Variants in RIT2 observed in about 807,000 individuals in gnomAD.
The protein encoded by RIT2 is Ras like without CAAX 2, also known as GTP-binding protein Rit2.
A neutral mutation model predicts 23.7 loss-of-function variants in RIT2; 24 were observed. The ratio of observed to expected loss-of-function variants is 1.01; its 90% CI spans 0.73 to 1.43. RIT2 has a LOEUF of 1.43. Ranked by LOEUF, RIT2 falls within the 40% of genes most tolerant of loss-of-function variation. The pLI, the probability that RIT2 is intolerant of heterozygous loss-of-function variation, is 0.00. For missense variants in RIT2, 236 were observed against 266.9 expected, an observed-to-expected ratio of 0.88 and a Z score of 0.81; for synonymous variants, 107 against 91.1, an observed-to-expected ratio of 1.17 and a Z score of -0.99.
intron 4 of RIT2, among the ~76,000 whole-genome samples, chr18:42,882,430 A>G (rs1013566164): frequency 6.6e-6 from 1 of 152,228 alleles, no homozygotes; most frequent in African/African-American, 2.4e-5. Flanking sequence ...CTAATTATTT[A>G]TATCTGACTG....
intron 2 of RIT2, among the ~76,000 whole-genome samples, chr18:42,995,224 C>A (rs1368983977): frequency 6.6e-6 from 1 of 152,136 alleles, no homozygotes; most frequent in Non-Finnish European, 1.5e-5. Flanking sequence ...AAAGAAATAA[C>A]TTCCCAGTGT....
intron 1 of RIT2, among the ~76,000 whole-genome samples, chr18:43,064,791 AT>A (rs938326861): frequency 1.3e-5 from 2 of 152,110 alleles, no homozygotes; most frequent in African/African-American, 4.8e-5. Flanking sequence ...TATATTCTGT[AT>A]TCCTCACAAT....
At chr18:42,865,067 C>T (rs2144054783) in intron 4 of RIT2, among the ~76,000 whole-genome samples, 1 of 152,332 alleles carries the variant, frequency 6.6e-6, no homozygotes, top group Non-Finnish European at 1.5e-5. Context: ...GTACTTCACA[C>T]ACACAACTAG....
chr18:42,775,624 G>A (rs1483147989), intron 4 of RIT2, among the ~76,000 whole-genome samples: 1 of 152,040 alleles, frequency 6.6e-6, no homozygotes, highest in East Asian at 1.9e-4. Context: ...GTGAACCCGG[G>A]AGGCGGAGCT....
intron 4 of RIT2, among the ~76,000 whole-genome samples, chr18:42,867,297 C>T (rs531080301): frequency 3.8e-4 from 58 of 152,156 alleles, no homozygotes; most frequent in Middle Eastern, 3.4e-3. Context: ...GTTTGCTGGG[C>T]CCTAGTCCTG....
intron 4 of RIT2, among the ~76,000 whole-genome samples, chr18:42,799,179 T>C (rs2143959323): frequency 6.6e-6 from 1 of 152,288 alleles, no homozygotes; most frequent in African/African-American, 2.4e-5. Flanking sequence ...TTCTTTTCCC[T>C]ACCCCAAAGC....
chr18:42,805,866 T>C (rs1160632610), intron 4 of RIT2, among the ~76,000 whole-genome samples: 1 of 152,070 alleles, frequency 6.6e-6, no homozygotes, highest in Non-Finnish European at 1.5e-5. Context: ...CTAGCTTTAA[T>C]ACAATTTTGA....
intron 2 of RIT2, among the ~76,000 whole-genome samples, chr18:42,991,547 T>G (rs148824512): frequency 1.1e-4 from 16 of 152,300 alleles, no homozygotes; most frequent in African/African-American, 3.8e-4. Context: ...GTGACCTGCA[T>G]GTACAGGGAC....
intron 3 of RIT2, among the ~76,000 whole-genome samples, chr18:42,955,532 C>T (rs1323053768): frequency 6.6e-6 from 1 of 152,114 alleles, no homozygotes; most frequent in African/African-American, 2.4e-5. Context: ...CCCCTTCTGA[C>T]GTTTTATGAT....
At chr18:42,917,835 CCA>C (rs971373235) in intron 4 of RIT2, among the ~76,000 whole-genome samples, 6 of 152,068 alleles carry the variant, frequency 3.9e-5, no homozygotes, top group Non-Finnish European at 7.4e-5. Context: ...CAAATCCTCC[CCA>C]CACTCCGGAG....
chr18:42,912,612 T>A (rs892488781), intron 4 of RIT2, among the ~76,000 whole-genome samples: 2 of 151,900 alleles, frequency 1.3e-5, no homozygotes, highest in Admixed American at 6.6e-5. Context: ...CAAAATGCAA[T>A]TGCATTTCAA....
At chr18:42,831,666 G>T (rs905316515) in intron 4 of RIT2, among the ~76,000 whole-genome samples, 2 of 152,106 alleles carry the variant, frequency 1.3e-5, no homozygotes, top group Admixed American at 6.5e-5. Flanking sequence ...CTGTAATGAG[G>T]CTGACATTTG....
intron 1 of RIT2, among the ~76,000 whole-genome samples, chr18:43,059,182 A>G (rs1568070001): frequency 1.3e-5 from 2 of 152,112 alleles, no homozygotes; most frequent in Admixed American, 1.3e-4. Flanking sequence ...TTGAGGACAT[A>G]CAATGTGCAA....
intron 2 of RIT2, among the ~76,000 whole-genome samples, chr18:42,994,515 C>G (rs1331301369): frequency 1.3e-5 from 2 of 152,082 alleles, no homozygotes; most frequent in Non-Finnish European, 2.9e-5. Context: ...CCCATAGATC[C>G]TAAATCCTTT....
intron 4 of RIT2, among the ~76,000 whole-genome samples, chr18:42,801,019 T>G (rs1279433080): frequency 6.6e-6 from 1 of 152,138 alleles, no homozygotes; most frequent in Non-Finnish European, 1.5e-5. Flanking sequence ...AATTTACTAT[T>G]AATCTTTAAT....
intron 1 of RIT2, among the ~76,000 whole-genome samples, chr18:43,094,127 T>TG (rs1568080499): frequency 1.5e-5 from 2 of 129,824 alleles, no homozygotes; most frequent in Admixed American, 8.2e-5. Flanking sequence ...TTTTTTGTTT[T>TG]TTTTTTTTTT....
chr18:43,069,543 T>C (rs1402221954), intron 1 of RIT2, among the ~76,000 whole-genome samples: 1 of 152,312 alleles, frequency 6.6e-6, no homozygotes, highest in Admixed American at 6.5e-5. Context: ...CTCTACCATG[T>C]TACCAACCTC....
intron 2 of RIT2, among the ~76,000 whole-genome samples, chr18:43,009,675 T>C (rs545008629): frequency 1.4e-4 from 22 of 151,828 alleles, no homozygotes; most frequent in African/African-American, 5.3e-4. Context: ...TTAACCAGAC[T>C]AAATCTTATG....
chr18:42,755,591 T>A (rs533359676), intron 4 of RIT2, among the ~76,000 whole-genome samples: 10 of 152,298 alleles, frequency 6.6e-5, no homozygotes, highest in Admixed American at 2.0e-4. Flanking sequence ...TTTGCCTATA[T>A]GTATTTTTCA....
Sources: allele counts gnomAD v4.1 joint callset (sites outside exome capture counted in the v4.1 genomes callset), GRCh38; gene constraint gnomAD v4.1.1; transcripts MANE v1.5; gene names NCBI Gene and HGNC (gene_info 2026-07-23, HGNC 2026-07-21).